SMYD3: variants seen among roughly 807,000 people sequenced by gnomAD.
SMYD3 encodes SET and MYND domain containing 3.
In SMYD3, 36 loss-of-function variants were observed where a neutral mutation model predicts 57.7. The observed-to-expected ratio is 0.62, with a 90% CI of 0.48 to 0.82. The LOEUF is 0.82. SMYD3 is among the 40% of genes least tolerant of loss of function. SMYD3 has a pLI of 0.00. For synonymous variants in SMYD3, 211 were observed against 195.0 expected, an observed-to-expected ratio of 1.08 and a Z score of -0.68; for missense variants, 515 against 538.8, an observed-to-expected ratio of 0.96 and a Z score of 0.44.
At chr1:246,409,652 A>G (rs954435722) in intron 1 of SMYD3, among the ~76,000 whole-genome samples, 12 of 152,116 alleles carry the variant, frequency 7.9e-5, no homozygotes, top group African/African-American at 2.4e-4. Flanking sequence ...TTGACTTGGC[A>G]ATGCGGGCTC....
intron 8 of SMYD3, among the ~76,000 whole-genome samples, chr1:245,903,656 G>T (rs2054347682): frequency 6.6e-6 from 1 of 152,190 alleles, no homozygotes; most frequent in Non-Finnish European, 1.5e-5. Flanking sequence ...GGTGACAAGA[G>T]CATCTCTGGG....
chr1:246,028,412 A>G (rs983201195), intron 5 of SMYD3, among the ~76,000 whole-genome samples: 10 of 152,212 alleles, frequency 6.6e-5, no homozygotes, highest in Admixed American at 2.6e-4. Context: ...TACAAAATCA[A>G]TATACAAAAC....
intron 8 of SMYD3, among the ~76,000 whole-genome samples, chr1:245,898,472 G>A (rs1434781102): frequency 2.0e-5 from 3 of 152,194 alleles, no homozygotes; most frequent in Non-Finnish European, 4.4e-5. Context: ...GCACTGAATG[G>A]CAACCTATGA....
chr1:246,369,111 G>A (rs4654247), intron 1 of SMYD3, among the ~76,000 whole-genome samples: 158 of 152,020 alleles, frequency 1.0e-3, no homozygotes, highest in Admixed American at 2.2e-3. Flanking sequence ...ACATTACATG[G>A]GCCCTGAGAT....
intron 1 of SMYD3, among the ~76,000 whole-genome samples, chr1:246,460,898 G>A (rs1429025240): frequency 1.3e-5 from 2 of 152,160 alleles, no homozygotes; most frequent in Non-Finnish European, 2.9e-5. Context: ...TACAAATTTA[G>A]TACATTTTTA....
Position 246,134,397 on chromosome 1 carries a change from T to A in SMYD3, c.531+192804A>T, listed in dbSNP as rs1245682969. 2.0e-5 allele frequency among the ~76,000 whole-genome samples: 3 copies of A among 152,242 alleles called. No individual in the cohort carries two copies. The East Asian group carries it at 5.8e-4, about 29-fold the overall frequency. ...CACTTATGTATTCAATTCAGCTAGA[T>A]CATGTATATGATTCATAAGTAATCT... On this transcript the variant is annotated intron_variant, in intron 5 of 11. Transcript: ENST00000490107.
intron 8 of SMYD3, among the ~76,000 whole-genome samples, chr1:245,872,655 T>C (rs1471392286): frequency 6.6e-6 from 1 of 152,230 alleles, no homozygotes; most frequent in Non-Finnish European, 1.5e-5. Flanking sequence ...CTCTGTTCCA[T>C]TTCACTTTAC....
intron 2 of SMYD3, among the ~76,000 whole-genome samples, chr1:246,350,918 G>T (rs986722492): frequency 6.6e-6 from 1 of 152,192 alleles, no homozygotes; most frequent in African/African-American, 2.4e-5. Flanking sequence ...TTGACAGTTA[G>T]ATACAAAGCT....
intron 5 of SMYD3, among the ~76,000 whole-genome samples, chr1:246,324,196 T>C (rs1572380320): frequency 1.3e-5 from 2 of 151,940 alleles, no homozygotes; most frequent in Non-Finnish European, 2.9e-5. Context: ...GGGCGGATCA[T>C]CCGAGGTCAG....
intron 8 of SMYD3, among the ~76,000 whole-genome samples, chr1:245,876,962 G>C (rs2052520954): frequency 6.6e-6 from 1 of 152,178 alleles, no homozygotes; most frequent in South Asian, 2.1e-4. Context: ...CCCTCTGCCT[G>C]GCCGGGATTT....
intron 5 of SMYD3, among the ~76,000 whole-genome samples, chr1:246,110,807 T>A (rs7541560): frequency 6.6e-6 from 1 of 152,126 alleles, no homozygotes; most frequent in Non-Finnish European, 1.5e-5. Context: ...GATGTTTACC[T>A]CAGCCCATCC....
intron 5 of SMYD3, among the ~76,000 whole-genome samples, chr1:246,120,809 G>A (rs1425013199): frequency 1.3e-5 from 2 of 152,126 alleles, no homozygotes; most frequent in African/African-American, 4.8e-5. Context: ...GGTTAGTTAT[G>A]TACACATCTG....
intron 5 of SMYD3, among the ~76,000 whole-genome samples, chr1:245,940,654 C>T (rs2057203709): frequency 2.0e-5 from 3 of 151,282 alleles, no homozygotes; most frequent in Admixed American, 1.3e-4. Context: ...AAAAACCCCA[C>T]CTAAAGGTCA....
chr1:246,333,287 G>A (rs1024431510), intron 3 of SMYD3, among the ~76,000 whole-genome samples: 3 of 151,818 alleles, frequency 2.0e-5, no homozygotes, highest in Admixed American at 1.3e-4. Context: ...TAGCAAGAAC[G>A]AAGGAGCTGG....
At chr1:245,936,711 A>G (rs1254363748) in intron 5 of SMYD3, among the ~76,000 whole-genome samples, 2 of 152,184 alleles carry the variant, frequency 1.3e-5, no homozygotes, top group African/African-American at 4.8e-5. Context: ...CTTGGGCAAC[A>G]TGGCAAAACC....
chr1:245,893,193 AAG>A (rs1383893017), intron 8 of SMYD3, among the ~76,000 whole-genome samples: 2 of 152,238 alleles, frequency 1.3e-5, no homozygotes, highest in African/African-American at 4.8e-5. Flanking sequence ...GAAAAACAAA[AAG>A]AAAATCTGAC....
chr1:246,083,479 T>A (rs889351896), intron 5 of SMYD3, among the ~76,000 whole-genome samples: 2 of 86,738 alleles, frequency 2.3e-5, no homozygotes, highest in Non-Finnish European at 5.7e-5. Context: ...TAATGATCGA[T>A]AAATACTGAG....
intron 8 of SMYD3, among the ~76,000 whole-genome samples, chr1:245,894,086 G>T (rs1253351857): frequency 2.6e-5 from 4 of 152,210 alleles, no homozygotes; most frequent in African/African-American, 9.6e-5. Flanking sequence ...TTCCAGGGTG[G>T]AGTGGGGAAT....
Position 245,914,537 on chromosome 1 carries a change from G to A in SMYD3, c.813+993C>T, listed in dbSNP as rs148416723. ...CAGGTGCAGAAAGATAAAATACTCCGTGTTCTCACTCATATGTGGGAATTA... is the reference window on the plus strand; with the variant it reads ...CAGGTGCAGAAAGATAAAATACTCCATGTTCTCACTCATATGTGGGAATTA... On this transcript the variant is annotated intron_variant, in intron 8 of 11. Transcript: ENST00000490107. 2.8e-3 allele frequency among the ~76,000 whole-genome samples: 433 copies of A among 152,216 alleles called. 1 individual carries two copies. Among genetic ancestry groups the A allele is most frequent in the African/African-American group, 9.3e-3 (387 of 41,532 alleles).
Sources: gnomAD v4.1 joint callset for allele counts (sites outside exome capture counted in the v4.1 genomes callset) on GRCh38, gnomAD v4.1.1 for gene constraint, MANE v1.5 for transcripts, NCBI Gene and HGNC (gene_info 2026-07-23, HGNC 2026-07-21) for gene names.